The following MMP12 variants were observed in gnomAD, a reference collection of about 807,000 sequenced individuals.
MMP12 encodes the protein macrophage metalloelastase.
A neutral mutation model predicts 45.2 loss-of-function variants in MMP12; 51 were observed. The ratio of observed to expected loss-of-function variants is 1.13; its 90% CI spans 0.90 to 1.42. The LOEUF is 1.42. MMP12 is among the 40% of genes most tolerant of loss of function. The probability of loss-of-function intolerance (pLI) is 0.00; values close to 1 mark genes in which losing one functional copy is unlikely to be tolerated. For missense variants in MMP12, 530 were observed against 570.8 expected, an observed-to-expected ratio of 0.93 and a Z score of 0.73; for synonymous variants, 210 against 193.3, an observed-to-expected ratio of 1.09 and a Z score of -0.72.
chr11:102,866,472 A>G, intron 6 of MMP12, 24 bp from the exon 7 acceptor site: 1 of 1,607,990 alleles, frequency 6.2e-7, no homozygotes, highest in South Asian at 1.1e-5. Flanking sequence ...CATTTGACAC[A>G]TGTTAAAAGA....
Position 102,868,085 on chromosome 11 carries a change from C to T in MMP12, c.626-16G>A. The T allele has an allele frequency of 6.3e-7, 1 of 1,579,348 alleles. No individual in the cohort carries two copies. On this transcript the variant is annotated splice_polypyrimidine_tract_variant and intron_variant, in intron 4 of 9. Coordinates refer to ENST00000571244, the MANE Select transcript of MMP12 (RefSeq NM_002426.6). ...AAGTTTGTGCCTAAGAAGAAACCAACCAAAAGACAGCTGTGAAATGCATTA... is the reference window on the plus strand; with the variant it reads ...AAGTTTGTGCCTAAGAAGAAACCAATCAAAAGACAGCTGTGAAATGCATTA...
chr11:102,874,811 T>G, intron 1 of MMP12, 25 bp downstream of exon 1: 2 of 1,385,168 alleles, frequency 1.4e-6, no homozygotes, highest in East Asian at 4.7e-5. Context: ...TCAAGCTCGA[T>G]AAATACTGTA....
In MMP12 at chr11:102,867,883, C is replaced by G. The variant is rs781879791; in HGVS notation, c.787+25G>C. On this transcript the variant is annotated intron_variant, in intron 5 of 9. Coordinates refer to ENST00000571244, the MANE Select transcript of MMP12 (RefSeq NM_002426.6). ...CATAAAAGCGAGTATCTTTATATGG[C>G]AAAATGATAAAGAATTCAACTCACC... 6.9e-6 allele frequency: 11 copies of G among 1,592,894 alleles called. No homozygotes were observed. The South Asian group carries it at 1.3e-4, about 18-fold the overall frequency.
chr11:102,863,937 C>T (rs1345474472), intron 9 of MMP12, among the ~76,000 whole-genome samples: 2 of 152,156 alleles, frequency 1.3e-5, no homozygotes, highest in East Asian at 1.9e-4. Flanking sequence ...GCTAGACAAC[C>T]CTGGGAATAT....
chr11:102,873,434 T>A (rs1859538201), intron 1 of MMP12, among the ~76,000 whole-genome samples: 1 of 151,942 alleles, frequency 6.6e-6, no homozygotes, highest in East Asian at 1.9e-4. Flanking sequence ...ACCTCCTCTG[T>A]ACAAAAAACA....
At chr11:102,866,838 C>T (rs1190335296) in intron 6 of MMP12, among the ~76,000 whole-genome samples, 2 of 152,150 alleles carry the variant, frequency 1.3e-5, no homozygotes, top group Admixed American at 6.5e-5. Context: ...AACTGCCCCT[C>T]CTTACCACCA....
intron 1 of MMP12, 69 bp from the exon 2 acceptor site, chr11:102,873,181 T>C (rs1565235347): frequency 1.5e-6 from 2 of 1,368,152 alleles, no homozygotes; most frequent in Admixed American, 2.0e-5. Context: ...GCTCCACATA[T>C]ATGACTCAAT....
chr11:102,867,866 C>A, intron 5 of MMP12, 42 bp downstream of exon 5: 2 of 1,556,926 alleles, frequency 1.3e-6, no homozygotes, highest in Non-Finnish European at 1.8e-6. Context: ...TTCATAAAAG[C>A]GAGTATCTTT....
chr11:102,870,146 C>G (rs1172618662), intron 4 of MMP12, among the ~76,000 whole-genome samples: 1 of 152,196 alleles, frequency 6.6e-6, no homozygotes, highest in East Asian at 1.9e-4. Flanking sequence ...GTCTTAATTT[C>G]CTCTACCTAC....
intron 3 of MMP12, 38 bp downstream of exon 3, chr11:102,871,766 T>A: frequency 1.2e-6 from 2 of 1,613,196 alleles, no homozygotes; most frequent in Non-Finnish European, 1.7e-6. Flanking sequence ...ATCCTATAGA[T>A]CATGCCAAAT....
At chr11:102,871,088 G>A (rs1441093000) in intron 4 of MMP12, among the ~76,000 whole-genome samples, 4 of 152,032 alleles carry the variant, frequency 2.6e-5, no homozygotes, top group Non-Finnish European at 4.4e-5. Context: ...AAAATTAGCC[G>A]GGTGGGTAGC....
At position 102,865,955 on chromosome 11, in the gene MMP12, G is replaced by A. The variant is rs2134418167; in HGVS notation, c.1046-20C>T. The A allele has an allele frequency of 2.5e-6, 4 of 1,572,804 alleles. No individual in the cohort carries two copies. Among genetic ancestry groups the A allele is most frequent in the South Asian group, 1.2e-5 (1 of 86,186 alleles). ...TGTCATCTGTGAAGACAAAGAAATA[G>A]GGTAAATTTGAATTATACAGGAAGA... On this transcript the variant is annotated intron_variant, in intron 7 of 9. Transcript: ENST00000571244. This position sits in a 1 kb window ranked among gnomAD's most constrained non-coding sequence, Gnocchi z 4.1.
At chr11:102,874,475 T>C (rs1046771481) in intron 1 of MMP12, among the ~76,000 whole-genome samples, 3 of 152,218 alleles carry the variant, frequency 2.0e-5, no homozygotes, top group Admixed American at 6.5e-5. Flanking sequence ...GAAGTGGTTA[T>C]ATTAATCCTG....
Position 102,862,816 on chromosome 11 carries a change from A to G in MMP12, c.*284T>C, listed in dbSNP as rs201787434. 4.5e-6 allele frequency: 1 copy of G among 220,598 alleles called. No homozygotes were observed. Among genetic ancestry groups the G allele is most frequent in the Non-Finnish European group, 8.8e-6 (1 of 114,138 alleles). 13.7% of individuals were successfully genotyped at this position (220,598 alleles called of 1,614,324 possible). On this transcript the variant is annotated 3_prime_UTR_variant, in exon 10 of 10. Transcript: ENST00000571244. ...AGAAGTAAGTATAATTTCTCAGTCCAAGGATGTTAGGAAGCAACTTACAGA... is the reference window on the plus strand; with the variant it reads ...AGAAGTAAGTATAATTTCTCAGTCCGAGGATGTTAGGAAGCAACTTACAGA...
intron 2 of MMP12, 93 bp downstream of exon 2, chr11:102,872,772 T>C: frequency 7.2e-7 from 1 of 1,381,780 alleles, no homozygotes. Context: ...TTACTTTATC[T>C]ACTTCCAGAT....
chr11:102,868,165 TC>T, intron 4 of MMP12, 96 bp from the exon 5 acceptor site: 1 of 1,114,292 alleles, frequency 9.0e-7, no homozygotes, highest in Non-Finnish European at 1.3e-6. Context: ...GATTTGAGAA[TC>T]TTTTACTTAT....
Position 102,862,974 on chromosome 11 carries a change from A to G in MMP12, c.*126T>C, listed in dbSNP as rs1185659032. The stretch of plus-strand genomic sequence containing the variant: ...TATGTATTTTATATAATCATTACCT[A>G]TGGTTTACAGATTTTATTTTTATGA... On this transcript the variant is annotated 3_prime_UTR_variant, in exon 10 of 10. Coordinates refer to ENST00000571244, the MANE Select transcript of MMP12 (RefSeq NM_002426.6). 7.5e-6 allele frequency: 4 copies of G among 531,926 alleles called. No individual in the cohort carries two copies. The highest frequency in any genetic ancestry group is 5.9e-5 in the African/African-American group (3 of 50,548). 33.0% of individuals were successfully genotyped at this position (531,926 alleles called of 1,614,324 possible).
At position 102,872,607 on chromosome 11, in the gene MMP12, C is replaced by T. The variant is rs577360150; in HGVS notation, c.350+258G>A. On this transcript the variant is annotated intron_variant, in intron 2 of 9. Coordinates refer to ENST00000571244, the MANE Select transcript of MMP12 (RefSeq NM_002426.6). ...CCACCCACCTTGGCCTCCCAAAGTGCTGGGATTACAGGCGTGAGCCACCGT... is the reference window on the plus strand; with the variant it reads ...CCACCCACCTTGGCCTCCCAAAGTGTTGGGATTACAGGCGTGAGCCACCGT... Among the ~76,000 whole-genome samples the T allele has an allele frequency of 7.2e-5, 11 of 152,322 alleles. No individual in the cohort carries two copies. The East Asian group carries it at 1.5e-3, about 21-fold the overall frequency.
At chr11:102,863,388 A>G (rs1859327049) in intron 9 of MMP12, among the ~76,000 whole-genome samples, 188 bp from the exon 10 acceptor site, 1 of 152,180 alleles carries the variant, frequency 6.6e-6, no homozygotes, top group Admixed American at 6.5e-5. Context: ...GTTTGAGATC[A>G]GCCTGGCCAT....
Sources: allele counts gnomAD v4.1 joint callset (sites outside exome capture counted in the v4.1 genomes callset), GRCh38; gene constraint gnomAD v4.1.1; non-coding constraint Gnocchi (gnomAD v3.1); transcripts MANE v1.5; gene names NCBI Gene and HGNC (gene_info 2026-07-23, HGNC 2026-07-21).